The following DPH5 variants were observed in gnomAD, a reference collection of about 807,000 sequenced individuals.
DPH5 encodes diphthamide biosynthesis 5, also known as diphthine methyl ester synthase.
Under a neutral mutation model 31.6 loss-of-function variants are expected in DPH5, and 31 were observed. That is an observed-to-expected ratio of 0.98 (90% CI 0.74 to 1.32). The LOEUF (loss-of-function observed/expected upper bound fraction) is 1.32, where lower values mean the gene tolerates loss of function less well. DPH5 is among the 40% of genes most tolerant of loss of function. DPH5 has a pLI of 0.00. For missense variants in DPH5, 309 were observed against 335.7 expected (o/e 0.92, Z 0.62); for synonymous variants, 120 against 115.0 (o/e 1.04, Z -0.28).
intron 4 of DPH5, among the ~76,000 whole-genome samples, chr1:101,008,315 A>C (rs1217905317): frequency 6.6e-6 from 1 of 152,200 alleles, no homozygotes; most frequent in African/African-American, 2.4e-5. Context: ...TCATTACTTC[A>C]TTGTCTGCAG....
At chr1:101,005,478 AT>A (rs1190306521) in intron 4 of DPH5, among the ~76,000 whole-genome samples, 2 of 152,174 alleles carry the variant, frequency 1.3e-5, no homozygotes, top group Admixed American at 1.3e-4. Flanking sequence ...TTGATGTAAC[AT>A]TGATTTTTGA....
At position 101,024,893 on chromosome 1, in the gene DPH5, C is replaced by CAGGG. The variant is rs1443488826; in HGVS notation, c.135+415_135+416insCCCT. 1.6e-3 allele frequency: 274 copies of CAGGG among 167,642 alleles called. 4 individuals are homozygous for CAGGG. The East Asian group carries it at 0.043, about 26-fold the overall frequency. 10.4% of individuals were successfully genotyped at this position (167,642 alleles called of 1,614,324 possible). ...GGATACAAAAAGGCAATCGCCATTC[C>CAGGG]CTATGGACACACTTCAAAGGGGGAA... On this transcript the variant is annotated intron_variant, in intron 2 of 7. Transcript: ENST00000370109.
intron 5 of DPH5, among the ~76,000 whole-genome samples, chr1:100,998,853 A>C (rs1435127617): frequency 6.6e-6 from 1 of 152,190 alleles, no homozygotes; most frequent in East Asian, 1.9e-4. Context: ...ACATGAGATT[A>C]AATAAAATTT....
rs190192166 is a variant in DPH5, at chr1:100,993,272, G to C, written c.531-532C>G. On this transcript the variant is annotated intron_variant, in intron 6 of 7. Transcript: ENST00000370109. Reference sequence around the variant, plus strand: ...ATTAACAAAAATATAGCCATTGCAGGCCAGGCGTGGTGGCTCATGCCTGTA... The same window carrying C: ...ATTAACAAAAATATAGCCATTGCAGCCCAGGCGTGGTGGCTCATGCCTGTA... Among the ~76,000 whole-genome samples, 694 of 152,116 alleles carry C rather than the reference G, an allele frequency of 4.6e-3. 5 individuals are homozygous for C. Among genetic ancestry groups the C allele is most frequent in the African/African-American group, 0.016 (661 of 41,482 alleles).
chr1:100,991,216 T>TGAAAA (rs1297066757), intron 7 of DPH5, among the ~76,000 whole-genome samples: 2 of 152,240 alleles, frequency 1.3e-5, no homozygotes, highest in East Asian at 3.8e-4. Flanking sequence ...CATTTGGCAC[T>TGAAAA]ATTTATGTTT....
chr1:100,991,122 A>T (rs1235516958), intron 7 of DPH5, among the ~76,000 whole-genome samples: 1 of 151,332 alleles, frequency 6.6e-6, no homozygotes, highest in Non-Finnish European at 1.5e-5. Flanking sequence ...AAAATGTAAT[A>T]CTCCCTCTTT....
chr1:101,010,333 T>G (rs1393641294), intron 4 of DPH5, among the ~76,000 whole-genome samples: 2 of 152,212 alleles, frequency 1.3e-5, no homozygotes, highest in Admixed American at 6.5e-5. Context: ...ATGGCAAGTC[T>G]GTAAGATAGT....
intron 4 of DPH5, among the ~76,000 whole-genome samples, chr1:101,005,545 A>G (rs1659168074): frequency 6.6e-6 from 1 of 152,244 alleles, no homozygotes; most frequent in Admixed American, 6.5e-5. Context: ...AAGTTGAATG[A>G]CTACGTAGAC....
Position 101,013,816 on chromosome 1 carries a change from G to A in DPH5, c.263C>T (p.Ala88Val). 6.2e-7 allele frequency: 1 copy of A among 1,605,338 alleles called. No homozygotes were observed. The highest frequency in any genetic ancestry group is 8.5e-7 in the Non-Finnish European group (1 of 1,176,442). ...AFLVVGDPFG[A>V]TTHSDLVLRA... Reference sequence around the variant, plus strand: ...TAGAACAAGATCACTGTGTGTTGTGGCCCTGTAGTGAGAAAAGATTAGATT... The same window carrying A: ...TAGAACAAGATCACTGTGTGTTGTGACCCTGTAGTGAGAAAAGATTAGATT... Residue 88 changes from alanine to valine, a missense_variant and splice_region_variant, in exon 4 of 8, where the codon GCC (alanine) becomes GTC (valine). Coordinates refer to ENST00000370109, the MANE Select transcript of DPH5 (RefSeq NM_015958.3).
chr1:100,997,280 A>G (rs1658435962), intron 5 of DPH5, among the ~76,000 whole-genome samples: 1 of 152,230 alleles, frequency 6.6e-6, no homozygotes, highest in South Asian at 2.1e-4. Flanking sequence ...GCATAGGGTA[A>G]GCACTCAATA....
Position 101,001,522 on chromosome 1 carries a change from G to T in DPH5, c.435C>A (p.Phe145Leu). The T allele has an allele frequency of 1.2e-6, 2 of 1,612,898 alleles. No homozygotes were observed. The highest frequency in any genetic ancestry group is 1.7e-6 in the Non-Finnish European group (2 of 1,179,086). The change falls in exon 5 of 8, where the codon TTC (phenylalanine) becomes TTA (leucine). Residue 145 changes from phenylalanine (F) to leucine (L), a missense_variant. Transcript: ENST00000370109. Reference sequence around the variant, plus strand: ...GTCTGTTCTTCTTCACTTTGTCAAAGAAGCTTTCTGGTCTCCAAGTGTCTG... The same window carrying T: ...GTCTGTTCTTCTTCACTTTGTCAAATAAGCTTTCTGGTCTCCAAGTGTCTG... ...FWTDTWRPES[F>L]FDKVKKNRQN...
chr1:100,991,084 G>A (rs919078412), intron 7 of DPH5, among the ~76,000 whole-genome samples: 8 of 152,140 alleles, frequency 5.3e-5, no homozygotes, highest in Non-Finnish European at 1.2e-4. Context: ...AATTAGCTGT[G>A]TGATAAACTT....
At chr1:101,004,961 T>A (rs1389856081) in intron 4 of DPH5, among the ~76,000 whole-genome samples, 1 of 152,220 alleles carries the variant, frequency 6.6e-6, no homozygotes, top group African/African-American at 2.4e-5. Context: ...TCCTGACATC[T>A]TATTTAGTGC....
chr1:100,993,709 T>A (rs912671982), intron 6 of DPH5, among the ~76,000 whole-genome samples: 18 of 150,242 alleles, frequency 1.2e-4, no homozygotes, highest in Non-Finnish European at 2.2e-4. Flanking sequence ...AGAATCAAGT[T>A]TTCTAGTAGC....
At position 100,990,593 on chromosome 1, in the gene DPH5, C is replaced by A; in HGVS notation, c.673G>T (p.Val225Phe). 3 of 1,614,046 alleles carry A rather than the reference C, an allele frequency of 1.9e-6. No individual in the cohort carries two copies. The highest frequency in any genetic ancestry group is 1.7e-6 in the Non-Finnish European group (2 of 1,179,990). The stretch of plus-strand genomic sequence containing the variant: ...GCAATTTTCTGGTCGTCGGCTCCAA[C>A]CCTGGCTAAGCCAACACAAAGTGTC... ...EETLCVGLAR[V>F]GADDQKIAAG... The change falls in exon 8 of 8, where the codon GTT becomes TTT. Residue 225 changes from valine to phenylalanine, a missense_variant. Val to Phe is a conservative substitution (Grantham distance 50, BLOSUM62 -1). Coordinates refer to ENST00000370109, the MANE Select transcript of DPH5 (RefSeq NM_015958.3).
intron 4 of DPH5, among the ~76,000 whole-genome samples, chr1:101,011,273 A>G (rs1221343521): frequency 2.6e-5 from 4 of 152,190 alleles, no homozygotes; most frequent in Non-Finnish European, 5.9e-5. Flanking sequence ...ACCTCTTCTG[A>G]TATGAATAAT....
Position 101,021,674 on chromosome 1 carries a change from T to C in DPH5, c.227A>G (p.Asp76Gly). The change falls in exon 3 of 8, where the codon GAT (aspartate) becomes GGT (glycine). Residue 76 changes from aspartate (D) to glycine (G), a missense_variant. Physicochemically the swap from Asp to Gly is moderately conservative, Grantham distance 94. Transcript: ENST00000370109. Reference protein sequence around the residue: ...DNILKDADISDVAFLVVGDPF... With the variant: ...DNILKDADISGVAFLVVGDPF... ...ATCACCAACCACAAGGAATGCAACA[T>C]CACTGATATCAGCATCCTTTAAAAT... is the stretch of plus-strand genomic sequence containing the variant. 1 of 1,613,906 alleles carries C rather than the reference T, an allele frequency of 6.2e-7. No homozygotes were observed. Among genetic ancestry groups the C allele is most frequent in the South Asian group, 1.1e-5 (1 of 91,064 alleles).
intron 2 of DPH5, among the ~76,000 whole-genome samples, chr1:101,024,046 C>T (rs746291838): frequency 1.3e-5 from 2 of 151,906 alleles, no homozygotes; most frequent in Non-Finnish European, 2.9e-5. Flanking sequence ...TCCATCATTT[C>T]GAGCTTAGAT....
At chr1:101,012,940 A>G (rs2101246247) in intron 4 of DPH5, among the ~76,000 whole-genome samples, 1 of 152,326 alleles carries the variant, frequency 6.6e-6, no homozygotes, top group African/African-American at 2.4e-5. Flanking sequence ...TTTTTAAATT[A>G]TGTGTTTCAG....
Sources: gnomAD v4.1 joint callset for allele counts (sites outside exome capture counted in the v4.1 genomes callset) on GRCh38, gnomAD v4.1.1 for gene constraint, MANE v1.5 for transcripts, NCBI Gene and HGNC (gene_info 2026-07-23, HGNC 2026-07-21) for gene names.